The following CEP192 variants were observed in gnomAD, a reference collection of about 807,000 sequenced individuals.
The protein encoded by CEP192 is centrosomal protein 192.
A neutral mutation model predicts 271.8 loss-of-function variants in CEP192; 151 were observed. The ratio of observed to expected loss-of-function variants is 0.56; its 90% CI spans 0.49 to 0.64. The LOEUF is 0.64. CEP192 is among the 30% of genes least tolerant of loss of function. The pLI, the probability that CEP192 is intolerant of heterozygous loss-of-function variation, is 0.00. For missense variants in CEP192, 2,910 were observed against 3,020.5 expected (o/e 0.96, Z 0.86); for synonymous variants, 995 against 1,076.5 (o/e 0.92, Z 1.48).
chr18:13,019,310 T>C (rs2034848041), intron 9 of CEP192, 104 bp downstream of exon 9: 9 of 977,266 alleles, frequency 9.2e-6, no homozygotes, highest in Non-Finnish European at 1.1e-5. Flanking sequence ...ACTGTTGACT[T>C]CTGAAAAATA....
chr18:13,018,969 G>A (rs1324157218), intron 8 of CEP192, 113 bp from the exon 9 acceptor site: 7 of 993,564 alleles, frequency 7.0e-6, no homozygotes, highest in South Asian at 3.7e-5. Context: ...ATTTGTCATA[G>A]GAGTGCTAAG....
intron 40 of CEP192, among the ~76,000 whole-genome samples, chr18:13,111,484 G>T (rs1220864292): frequency 6.6e-6 from 1 of 152,042 alleles, no homozygotes; most frequent in Non-Finnish European, 1.5e-5. Flanking sequence ...GAGATTCACC[G>T]AAAATCAACC....
chr18:13,025,399 T>C (rs1320720930), intron 9 of CEP192, among the ~76,000 whole-genome samples: 6 of 152,050 alleles, frequency 3.9e-5, no homozygotes, highest in Admixed American at 3.9e-4. Flanking sequence ...AAATTCTTTG[T>C]AGAGCTAGGG....
chr18:13,041,688 C>T (rs562777418), intron 14 of CEP192, among the ~76,000 whole-genome samples: 1 of 152,028 alleles, frequency 6.6e-6, no homozygotes, highest in African/African-American at 2.4e-5. Context: ...CCTCAGCCTC[C>T]CGAGTAGCTG....
In CEP192 at chr18:13,089,511, C is replaced by T. The variant is rs1413861890; in HGVS notation, c.6049C>T (p.Leu2017Phe). Residue 2017 changes from leucine to phenylalanine, a missense_variant, in exon 33 of 45, where the codon CTT becomes TTT. Leu to Phe is a conservative substitution (Grantham distance 22). Coordinates refer to ENST00000506447, the MANE Select transcript of CEP192 (RefSeq NM_032142.4). ...ACAGATACTTCCAGAACATAGTGTG[C>T]TTCAAAACATTAATTTTGTTGAAGC... Reference protein sequence around the residue: ...IKQILPEHSVLQNINFVEAFQ... With the variant: ...IKQILPEHSVFQNINFVEAFQ... The T allele has an allele frequency of 1.2e-6, 2 of 1,606,616 alleles. No individual in the cohort carries two copies. Among genetic ancestry groups the T allele is most frequent in the South Asian group, 1.1e-5 (1 of 90,160 alleles).
In CEP192 at chr18:13,007,388, G is replaced by A. The variant is rs987986612; in HGVS notation, c.291-1068G>A. 2.6e-5 allele frequency among the ~76,000 whole-genome samples: 4 copies of A among 152,290 alleles called. No individual in the cohort carries two copies. The East Asian group carries it at 5.8e-4, about 22-fold the overall frequency. ...CATTTTTAGAGAGATGGTGGTGAAT[G>A]TCGAGTGCCCTGCTCTCAACTGTCC... On this transcript the variant is annotated intron_variant, in intron 3 of 44. Transcript: ENST00000506447.
chr18:13,023,165 T>C (rs1347182577), intron 9 of CEP192, among the ~76,000 whole-genome samples: 1 of 152,196 alleles, frequency 6.6e-6, no homozygotes, highest in Non-Finnish European at 1.5e-5. Flanking sequence ...TTTTATTTCC[T>C]TTTCTTGTCT....
intron 40 of CEP192, among the ~76,000 whole-genome samples, chr18:13,110,062 C>T (rs2040139426): frequency 6.6e-6 from 1 of 152,132 alleles, no homozygotes; most frequent in Admixed American, 6.6e-5. Flanking sequence ...AACTTTGTCC[C>T]CTGCCCTGCA....
intron 18 of CEP192, among the ~76,000 whole-genome samples, chr18:13,053,779 C>T (rs573719708): frequency 1.1e-4 from 16 of 152,142 alleles, no homozygotes; most frequent in African/African-American, 2.4e-4. Context: ...AGCCTGGGAC[C>T]GCTGGTCTCA....
intron 9 of CEP192, among the ~76,000 whole-genome samples, chr18:13,024,070 T>C (rs756856230): frequency 1.3e-5 from 2 of 152,236 alleles, no homozygotes; most frequent in Non-Finnish European, 2.9e-5. Flanking sequence ...CTGGATCTGT[T>C]TCTGATAGAG....
intron 30 of CEP192, among the ~76,000 whole-genome samples, chr18:13,084,101 C>T (rs906938349): frequency 6.6e-6 from 1 of 152,202 alleles, no homozygotes; most frequent in African/African-American, 2.4e-5. Context: ...AGGAGGCAGT[C>T]TGTCTGTTCT....
chr18:13,106,394 CACT>C (rs1279930459), intron 40 of CEP192, among the ~76,000 whole-genome samples: 46 of 151,536 alleles, frequency 3.0e-4, no homozygotes, highest in Admixed American at 1.8e-3. Flanking sequence ...CCATCACCAC[CACT>C]ACTACCACTC....
At chr18:13,002,350 G>T (rs943578540) in intron 3 of CEP192, among the ~76,000 whole-genome samples, 2 of 151,814 alleles carry the variant, frequency 1.3e-5, no homozygotes, top group Non-Finnish European at 2.9e-5. Flanking sequence ...GCAGTATTAT[G>T]TTCAGTTTTC....
chr18:13,099,613 G>C (rs1462626928), intron 37 of CEP192, 32 bp downstream of exon 37: 1 of 1,007,418 alleles, frequency 9.9e-7, no homozygotes, highest in Non-Finnish European at 1.5e-6. Context: ...TTTTTTTTTT[G>C]AGTGACAATT....
At chr18:13,045,018 T>C (rs1460762847) in intron 15 of CEP192, among the ~76,000 whole-genome samples, 9 of 152,182 alleles carry the variant, frequency 5.9e-5, no homozygotes, top group Admixed American at 1.3e-4. Context: ...AATCTTCCTC[T>C]ACACTTGAAA....
chr18:13,091,752 TC>T (rs2039157477), intron 33 of CEP192, among the ~76,000 whole-genome samples: 2 of 152,170 alleles, frequency 1.3e-5, no homozygotes, highest in Admixed American at 6.5e-5. Flanking sequence ...GGTGTCCTAA[TC>T]TAGAGATGTT....
intron 30 of CEP192, among the ~76,000 whole-genome samples, chr18:13,079,584 G>C (rs566854996): frequency 6.6e-6 from 1 of 152,302 alleles, no homozygotes; most frequent in Admixed American, 6.5e-5. Context: ...CATTCTGTAG[G>C]TTGCCTGTTC....
At chr18:13,064,611 CAAAAA>C (rs552202874) in intron 21 of CEP192, among the ~76,000 whole-genome samples, 1 of 64,492 alleles carries the variant, frequency 1.6e-5, no homozygotes. Flanking sequence ...GACTCCATCT[CAAAAA>C]AAAAAAAAAA....
At chr18:13,054,858 A>G (rs1382098546) in intron 18 of CEP192, among the ~76,000 whole-genome samples, 1 of 152,208 alleles carries the variant, frequency 6.6e-6, no homozygotes, top group Non-Finnish European at 1.5e-5. Flanking sequence ...AGAGCTGCAG[A>G]TGTCACTCCT....
Sources: gnomAD v4.1 joint callset for allele counts (sites outside exome capture counted in the v4.1 genomes callset) on GRCh38, gnomAD v4.1.1 for gene constraint, MANE v1.5 for transcripts, NCBI Gene and HGNC (gene_info 2026-07-23, HGNC 2026-07-21) for gene names.